ASNSD1: variants seen among roughly 807,000 people sequenced by gnomAD.
ASNSD1 encodes asparagine synthetase domain-containing protein 1.
In ASNSD1, 36 loss-of-function variants were observed where a neutral mutation model predicts 48.3. The ratio of observed to expected loss-of-function variants is 0.75; its 90% CI spans 0.57 to 0.99. The LOEUF is 0.99. Ranked by LOEUF, ASNSD1 falls within the 50% of genes least tolerant of loss-of-function variation. The pLI is 0.00. For missense variants in ASNSD1, 714 were observed against 758.2 expected (o/e 0.94, Z 0.69); for synonymous variants, 257 against 262.1 (o/e 0.98, Z 0.19).
In ASNSD1 at chr2:189,667,533, T is replaced by C. The variant is rs1200505885; in HGVS notation, c.1401T>C (p.Ala467=). ...GCATTGGCTGTGCAGTCTGGTTTGC[T>C]TCTAGAGGAATTGGTTGGTTAGTGG... ...DDSIGCAVWF[A]SRGIGWLVAQ... is the part of the protein sequence containing the mutation. The change falls in exon 4 of 6, where the codon GCT becomes GCC. Residue 467 remains alanine (A), a synonymous_variant. Coordinates refer to ENST00000260952, the MANE Select transcript of ASNSD1 (RefSeq NM_019048.4). 6.2e-7 allele frequency: 1 copy of C among 1,614,006 alleles called. No individual in the cohort carries two copies. Among genetic ancestry groups the C allele is most frequent in the Non-Finnish European group, 8.5e-7 (1 of 1,179,988 alleles).
chr2:189,667,859 G>A lies in ASNSD1; in HGVS notation c.1560G>A (p.Lys520=). Residue 520 remains lysine, a synonymous_variant, in exon 5 of 6, where the codon AAG becomes AAA. Coordinates refer to ENST00000260952, the MANE Select transcript of ASNSD1 (RefSeq NM_019048.4). The part of the protein sequence containing the change: ...FQSHGLEGLN[K]EIMMELGRIS... Reference sequence around the variant, plus strand: ...CGCATGGGCTGGAAGGATTGAATAAGGAAATAATGATGGAACTGGGTCGAA... The same window carrying A: ...CGCATGGGCTGGAAGGATTGAATAAAGAAATAATGATGGAACTGGGTCGAA... 1.2e-6 allele frequency: 2 copies of A among 1,614,098 alleles called. No homozygotes were observed. The highest frequency in any genetic ancestry group is 1.7e-6 in the Non-Finnish European group (2 of 1,179,994).
chr2:189,665,629 T>TATATAC (rs2032781573), intron 3 of ASNSD1, among the ~76,000 whole-genome samples, 178 bp downstream of exon 3: 2 of 127,570 alleles, frequency 1.6e-5, no homozygotes, highest in African/African-American at 6.5e-5. Flanking sequence ...TATATATATA[T>TATATAC]ATATATATAT....
chr2:189,663,363 C>T (rs1467465351), intron 1 of ASNSD1, among the ~76,000 whole-genome samples: 1 of 152,096 alleles, frequency 6.6e-6, no homozygotes, highest in Non-Finnish European at 1.5e-5. Context: ...AAGCAGTTCT[C>T]CTGCCTCAGC....
chr2:189,668,510 A>G (rs1168301680), intron 5 of ASNSD1, among the ~76,000 whole-genome samples: 1 of 4,466 alleles, frequency 2.2e-4, no homozygotes, highest in African/African-American at 2.5e-4. Context: ...CTCTGTTTCC[A>G]CAAAAAAACA....
In ASNSD1 at chr2:189,667,061, A is replaced by G. The variant is rs776643247; in HGVS notation, c.929A>G (p.Asn310Ser). The G allele has an allele frequency of 3.0e-5, 49 of 1,614,020 alleles. No homozygotes were observed. The highest frequency in any genetic ancestry group is 3.9e-5 in the Non-Finnish European group (46 of 1,179,994). ...CLPRDENLTA[N>S]EVLKTCDRKA... ...CCTAGGGATGAAAACCTGACAGCAA[A>G]TGAAGTTTTGAAAACGTGTGATAGG... Residue 310 changes from asparagine to serine, a missense_variant, in exon 4 of 6, where the codon AAT becomes AGT. By Grantham distance (46) the Asn-to-Ser change is conservative (BLOSUM62 1). Coordinates refer to ENST00000260952, the MANE Select transcript of ASNSD1 (RefSeq NM_019048.4).
rs775560677 is a variant in ASNSD1, at chr2:189,667,400, G to C, written c.1268G>C (p.Arg423Pro). Reference protein sequence around the residue: ...LKELQAVSPSRIWNFVEINVS... With the variant: ...LKELQAVSPSPIWNFVEINVS... ...GAACTACAAGCTGTTAGCCCTTCCC[G>C]AATTTGGAATTTTGTTGAAATTAAT... Residue 423 changes from arginine (R) to proline (P), a missense_variant, in exon 4 of 6, where the codon CGA (arginine) becomes CCA (proline). Coordinates refer to ENST00000260952, the MANE Select transcript of ASNSD1 (RefSeq NM_019048.4). 1 of 1,614,124 alleles carries C rather than the reference G, an allele frequency of 6.2e-7. No individual in the cohort carries two copies.
Position 189,666,839 on chromosome 2 carries a change from A to G in ASNSD1, c.707A>G (p.Tyr236Cys), listed in dbSNP as rs779981119. The change falls in exon 4 of 6, where the codon TAT (tyrosine) becomes TGT (cysteine). Residue 236 changes from tyrosine to cysteine, a missense_variant. Coordinates refer to ENST00000260952, the MANE Select transcript of ASNSD1 (RefSeq NM_019048.4). ...VSVVANEAKL[Y>C]LEKPVVPLNM... Reference sequence around the variant, plus strand: ...GTGGTAGCAAATGAAGCCAAACTGTATCTTGAAAAACCTGTTGTTCCTTTA... The same window carrying G: ...GTGGTAGCAAATGAAGCCAAACTGTGTCTTGAAAAACCTGTTGTTCCTTTA... 13 of 1,614,044 alleles carry G rather than the reference A, an allele frequency of 8.1e-6. No individual in the cohort carries two copies. The African/African-American group carries it at 1.3e-4, about 17-fold the overall frequency.
intron 1 of ASNSD1, among the ~76,000 whole-genome samples, chr2:189,662,869 G>A (rs982395539): frequency 1.3e-5 from 2 of 149,504 alleles, no homozygotes; most frequent in African/African-American, 5.0e-5. Context: ...AATCGCCTGA[G>A]CCCGGGAAGA....
At chr2:189,670,359 A>C (rs2032899538) in intron 5 of ASNSD1, 82 bp from the exon 6 acceptor site, 1 of 1,217,988 alleles carries the variant, frequency 8.2e-7, no homozygotes, top group Non-Finnish European at 1.1e-6. Flanking sequence ...AATTTGGTTA[A>C]ATTTTAGCTA....
chr2:189,667,314 T>TGAC lies in ASNSD1; in HGVS notation c.1183_1185dup (p.Asp395dup). The TGAC allele has an allele frequency of 3.1e-6, 5 of 1,614,162 alleles. No homozygotes were observed. The highest frequency in any genetic ancestry group is 4.2e-6 in the Non-Finnish European group (5 of 1,180,024). On this transcript the variant is annotated inframe_insertion, in exon 4 of 6. Transcript: ENST00000260952. The stretch of plus-strand genomic sequence containing the variant: ...CTAAAGATGTTGCTGCTGCTGCTGC[T>TGAC]GACAGTCCTAATAAACATGTCAGTG...
At chr2:189,663,240 T>TA (rs944088732) in intron 1 of ASNSD1, among the ~76,000 whole-genome samples, 35 of 145,320 alleles carry the variant, frequency 2.4e-4, no homozygotes, top group Non-Finnish European at 3.0e-4. Context: ...TATATATATA[T>TA]TTTTTAAATT....
chr2:189,667,005 T>C lies in ASNSD1; in HGVS notation c.873T>C (p.Ser291=). ...TTCAGCAGTTCATTGATGTCCTGAG[T>C]GTAGCAGTCAAGAAACGTGTCTTGT... ...EVIQQFIDVL[S]VAVKKRVLCL... The change falls in exon 4 of 6, where the codon AGT becomes AGC. Residue 291 remains serine, a synonymous_variant. Transcript: ENST00000260952. 6.2e-7 allele frequency: 1 copy of C among 1,614,150 alleles called. No individual in the cohort carries two copies. The highest frequency in any genetic ancestry group is 8.5e-7 in the Non-Finnish European group (1 of 1,180,022).
chr2:189,667,076 C>T lies in ASNSD1; in HGVS notation c.944C>T (p.Thr315Met), dbSNP rs118049669. ...ENLTANEVLK[T>M]CDRKANVAIL... ...CTGACAGCAAATGAAGTTTTGAAAA[C>T]GTGTGATAGGAAAGCAAATGTTGCA... The change falls in exon 4 of 6, where the codon ACG becomes ATG. Residue 315 changes from threonine (T) to methionine (M), a missense_variant. Transcript: ENST00000260952. 2.1e-4 allele frequency: 335 copies of T among 1,613,978 alleles called. 2 individuals carry two copies. In the East Asian group the frequency reaches 6.5e-3, roughly 31 times the overall value.
rs1214127817 is a variant in ASNSD1, at chr2:189,666,651, T to C, written c.519T>C (p.Val173=). ...TSGLANQWQE[V]PASGLFRIDL... ...GATTGGCAAATCAGTGGCAAGAAGT[T>C]CCAGCATCTGGACTTTTCAGAATTG... The change falls in exon 4 of 6, where the codon GTT becomes GTC. Residue 173 remains valine (V), a synonymous_variant. Transcript: ENST00000260952. The C allele has an allele frequency of 6.2e-7, 1 of 1,614,156 alleles. No individual in the cohort carries two copies. The highest frequency in any genetic ancestry group is 8.5e-7 in the Non-Finnish European group (1 of 1,180,012).
In ASNSD1 at chr2:189,667,133, T is replaced by G. The variant is rs781482463; in HGVS notation, c.1001T>G (p.Val334Gly). 6.2e-7 allele frequency: 1 copy of G among 1,614,212 alleles called. No homozygotes were observed. The change falls in exon 4 of 6, where the codon GTT (valine) becomes GGT (glycine). Residue 334 changes from valine (V) to glycine (G), a missense_variant. By Grantham distance (109) the Val-to-Gly change is moderately radical (BLOSUM62 -3). Transcript: ENST00000260952. ...TTTTCTGGGGGCATTGATTCCATGGTTATTGCAACCCTTGCTGACCGTCAT... is the reference window on the plus strand; with the variant it reads ...TTTTCTGGGGGCATTGATTCCATGGGTATTGCAACCCTTGCTGACCGTCAT... The part of the protein sequence containing the change: ...ILFSGGIDSM[V>G]IATLADRHIP...
rs760280840 is a variant in ASNSD1, at chr2:189,667,800, G to A, written c.1501G>A (p.Ala501Thr). The A allele has an allele frequency of 9.9e-6, 16 of 1,613,780 alleles. No individual in the cohort carries two copies. The highest frequency in any genetic ancestry group is 1.4e-5 in the Non-Finnish European group (16 of 1,179,934). Residue 501 changes from alanine to threonine, a missense_variant, in exon 5 of 6, where the codon GCA becomes ACA. By Grantham distance (58) the Ala-to-Thr change is moderately conservative. Transcript: ENST00000260952. ...TGGAATTGGTGCAGATGAGCAACTT[G>A]CAGGTTATTCTCGTCATCGTGTCCG... ...LTGIGADEQL[A>T]GYSRHRVRFQ...
rs1381940190 is a variant in ASNSD1 at position 189,661,462 on chromosome 2, G to C, written c.-371G>C. ...CGGCTGGAAGCGCGCATGCGCTGTG[G>C]CTAATGCCGTAGGCTCCTTCAGGGC... On this transcript the variant is annotated 5_prime_UTR_variant, in exon 1 of 6. Transcript: ENST00000260952. 2.5e-6 allele frequency: 1 copy of C among 399,068 alleles called. No individual in the cohort carries two copies. The highest frequency in any genetic ancestry group is 4.4e-6 in the Non-Finnish European group (1 of 226,148). The allele number at this position is 399,068 out of a possible 1,614,324, so 24.7% of individuals were successfully genotyped here.
At chr2:189,662,822 G>T (rs1485483852) in intron 1 of ASNSD1, among the ~76,000 whole-genome samples, 1 of 151,952 alleles carries the variant, frequency 6.6e-6, no homozygotes, top group Non-Finnish European at 1.5e-5. Context: ...GGTGGCCCAG[G>T]CCTGTAGTCC....
chr2:189,666,676 G>A lies in ASNSD1; in HGVS notation c.544G>A (p.Asp182Asn). The change falls in exon 4 of 6, where the codon GAT becomes AAT. Residue 182 changes from aspartate to asparagine, a missense_variant. Asp to Asn is a conservative substitution (Grantham distance 23). Coordinates refer to ENST00000260952, the MANE Select transcript of ASNSD1 (RefSeq NM_019048.4). Reference protein sequence around the residue: ...EVPASGLFRIDLKSTVISGCI... With the variant: ...EVPASGLFRINLKSTVISGCI... ...TCCAGCATCTGGACTTTTCAGAATT[G>A]ATCTTAAGTCTACTGTCATTTCCGG... is the stretch of plus-strand genomic sequence containing the variant. The A allele has an allele frequency of 1.2e-6, 2 of 1,613,698 alleles. No homozygotes were observed. The highest frequency in any genetic ancestry group is 1.7e-6 in the Non-Finnish European group (2 of 1,179,670).
Sources: gnomAD v4.1 joint callset for allele counts (sites outside exome capture counted in the v4.1 genomes callset) on GRCh38, gnomAD v4.1.1 for gene constraint, MANE v1.5 for transcripts, NCBI Gene and HGNC (gene_info 2026-07-23, HGNC 2026-07-21) for gene names.